The following CCNDBP1 variants were observed in gnomAD, a reference collection of about 807,000 sequenced individuals.
CCNDBP1 encodes cyclin D1 binding protein 1, also known as cyclin-D1-binding protein 1.
A neutral mutation model predicts 46.2 loss-of-function variants in CCNDBP1; 45 were observed. That is an observed-to-expected ratio of 0.97 (90% CI 0.77 to 1.25). The LOEUF (loss-of-function observed/expected upper bound fraction) is 1.25. Ranked by LOEUF, CCNDBP1 falls within the 50% of genes most tolerant of loss-of-function variation. The probability of loss-of-function intolerance (pLI) is 0.00; values close to 1 mark genes in which losing one functional copy is unlikely to be tolerated. For synonymous variants in CCNDBP1, 154 were observed against 163.6 expected, an observed-to-expected ratio of 0.94 and a Z score of 0.45; for missense variants, 436 against 442.1, an observed-to-expected ratio of 0.99 and a Z score of 0.12.
In CCNDBP1 at chr15:43,194,963, A is replaced by G; in HGVS notation, c.*122A>G. On this transcript the variant is annotated 3_prime_UTR_variant, in exon 11 of 11. Transcript: ENST00000300213. ...AAGGGAGTGCCTATCTATATTTAGCAAGAGACACTATTACCAAAGATTGTT... is the reference window on the plus strand; with the variant it reads ...AAGGGAGTGCCTATCTATATTTAGCGAGAGACACTATTACCAAAGATTGTT... The G allele has an allele frequency of 1.6e-6, 1 of 615,764 alleles. No homozygotes were observed. The highest frequency in any genetic ancestry group is 2.9e-5 in the East Asian group (1 of 34,428). 38.1% of individuals were successfully genotyped at this position (615,764 alleles called of 1,614,324 possible).
In CCNDBP1 at chr15:43,192,805, T is replaced by C. The variant is rs2041976823; in HGVS notation, c.921+2T>C. 6.2e-7 allele frequency: 1 copy of C among 1,613,546 alleles called. No homozygotes were observed. The highest frequency in any genetic ancestry group is 8.5e-7 in the Non-Finnish European group (1 of 1,179,524). On this transcript the variant is annotated splice_donor_variant, in intron 9 of 10. Coordinates refer to ENST00000300213, the MANE Select transcript of CCNDBP1 (RefSeq NM_012142.5). LOFTEE classifies it high-confidence loss of function. Reference sequence around the variant, plus strand: ...TGTCACCTGACCGTGCGAATCAATGTAAGTACTGGCTTTGAGGGAATAGCT... The same window carrying C: ...TGTCACCTGACCGTGCGAATCAATGCAAGTACTGGCTTTGAGGGAATAGCT...
chr15:43,186,257 C>G, intron 3 of CCNDBP1, 24 bp downstream of exon 3: 1 of 1,587,512 alleles, frequency 6.3e-7, no homozygotes, highest in Non-Finnish European at 8.6e-7. Flanking sequence ...TCGTGGAATC[C>G]TTGGGCTGCC....
At chr15:43,187,556 C>CA (rs2041873191) in intron 3 of CCNDBP1, among the ~76,000 whole-genome samples, 1 of 152,130 alleles carries the variant, frequency 6.6e-6, no homozygotes, top group South Asian at 2.1e-4. Flanking sequence ...AGGTGTGAGC[C>CA]ACCGTGCCTG....
chr15:43,190,454 G>A (rs2041930767), intron 6 of CCNDBP1, 56 bp downstream of exon 6: 3 of 1,356,134 alleles, frequency 2.2e-6, no homozygotes, highest in Non-Finnish European at 3.2e-6. Flanking sequence ...GAGACCTCAT[G>A]TCTAGCTTCC....
chr15:43,192,252 G>A lies in CCNDBP1; in HGVS notation c.861-491G>A, dbSNP rs374032912. The stretch of plus-strand genomic sequence containing the variant: ...AAAATATCCAACAACCTGGATTCAC[G>A]TGATTGTTAGTTCTCATTTTTGCAA... On this transcript the variant is annotated intron_variant, in intron 8 of 10. Coordinates refer to ENST00000300213, the MANE Select transcript of CCNDBP1 (RefSeq NM_012142.5). Among the ~76,000 whole-genome samples, 132 of 152,222 alleles carry A rather than the reference G, an allele frequency of 8.7e-4. 4 individuals carry two copies. The South Asian group carries it at 0.027, about 32-fold the overall frequency.
rs2042021516 is a variant in CCNDBP1, at chr15:43,195,050, GAAAAATAATTGCAT to G, written c.*210_*223del. On this transcript the variant is annotated 3_prime_UTR_variant, in exon 11 of 11. Transcript: ENST00000300213. ...GCGTATATTTTTCTGTGCTATATATGAAAAATAATTGCATGATTTCTCATTCCTGAGTCATTTCT... is the reference window on the plus strand; with the variant it reads ...GCGTATATTTTTCTGTGCTATATATGGATTTCTCATTCCTGAGTCATTTCT... 3 of 408,138 alleles carry G rather than the reference GAAAAATAATTGCAT, an allele frequency of 7.4e-6. No homozygotes were observed. The highest frequency in any genetic ancestry group is 1.3e-5 in the Non-Finnish European group (3 of 230,852). 25.3% of individuals were successfully genotyped at this position (408,138 alleles called of 1,614,324 possible).
rs762033687 is a variant in CCNDBP1 at position 43,189,205 on chromosome 15, CAGA to C, written c.259_261del (p.Lys87del). The C allele has an allele frequency of 1.2e-6, 2 of 1,608,554 alleles. No homozygotes were observed. The highest frequency in any genetic ancestry group is 1.7e-4 in the Middle Eastern group (1 of 6,046). ...TCTGTTTCCTTTTTCATAGGAAACC[CAGA>C]AGTTCTGTGAACAAGTCCATGCTGC... On this transcript the variant is annotated inframe_deletion, in exon 4 of 11. Transcript: ENST00000300213.
intron 7 of CCNDBP1, 63 bp from the exon 8 acceptor site, chr15:43,191,332 A>G: frequency 6.7e-7 from 1 of 1,481,488 alleles, no homozygotes; most frequent in Non-Finnish European, 9.0e-7. Flanking sequence ...AAGTATAATA[A>G]TAGGCCTCGC....
Position 43,195,021 on chromosome 15 carries a change from A to G in CCNDBP1, c.*180A>G. The G allele has an allele frequency of 6.2e-6, 3 of 484,884 alleles. No individual in the cohort carries two copies. Among genetic ancestry groups the G allele is most frequent in the Non-Finnish European group, 7.3e-6 (2 of 274,018 alleles). 30.0% of individuals were successfully genotyped at this position (484,884 alleles called of 1,614,324 possible). The stretch of plus-strand genomic sequence containing the variant: ...CCAGATTGACACCTATTTATAAACC[A>G]TATGCGTATATTTTTCTGTGCTATA... On this transcript the variant is annotated 3_prime_UTR_variant, in exon 11 of 11. Transcript: ENST00000300213.
At chr15:43,193,666 TTCTC>T (rs1008651060) in intron 9 of CCNDBP1, among the ~76,000 whole-genome samples, 2 of 152,234 alleles carry the variant, frequency 1.3e-5, no homozygotes, top group African/African-American at 4.8e-5. Context: ...GAGAGTTCTG[TTCTC>T]TCTAATGTTA....
chr15:43,186,433 T>C (rs546537948), intron 3 of CCNDBP1, among the ~76,000 whole-genome samples, 200 bp downstream of exon 3: 3 of 152,332 alleles, frequency 2.0e-5, no homozygotes, highest in Non-Finnish European at 4.4e-5. Flanking sequence ...GCAGGTCTTA[T>C]AAATATTGGT....
intron 9 of CCNDBP1, chr15:43,193,407 A>C (rs2142239887): frequency 6.6e-6 from 1 of 150,746 alleles, no homozygotes; most frequent in East Asian, 2.0e-4. Context: ...GTAATTTAGG[A>C]ACTTCTCAAC....
At chr15:43,193,260 G>C (rs906496747) in intron 9 of CCNDBP1, 1 of 150,416 alleles carries the variant, frequency 6.6e-6, no homozygotes, top group Non-Finnish European at 1.4e-5. Flanking sequence ...TTGAAGCCGG[G>C]AAGTGGAGGT....
At position 43,194,777 on chromosome 15, in the gene CCNDBP1, T is replaced by C; in HGVS notation, c.1019T>C (p.Ile340Thr). The C allele has an allele frequency of 6.2e-7, 1 of 1,614,060 alleles. No individual in the cohort carries two copies. Among genetic ancestry groups the C allele is most frequent in the South Asian group, 1.1e-5 (1 of 91,086 alleles). ...GAAGATAGTTGGATCCCTTTACTTA[T>C]TAATGCCATTGATCATTGCATGAAT... Reference protein sequence around the residue: ...QPEDSWIPLLINAIDHCMNRI... With the variant: ...QPEDSWIPLLTNAIDHCMNRI... The change falls in exon 11 of 11, where the codon ATT (isoleucine) becomes ACT (threonine). Residue 340 changes from isoleucine to threonine, a missense_variant. By Grantham distance (89) the Ile-to-Thr change is moderately conservative. Coordinates refer to ENST00000300213, the MANE Select transcript of CCNDBP1 (RefSeq NM_012142.5).
intron 1 of CCNDBP1, 73 bp downstream of exon 1, chr15:43,185,680 GGGGAGAGGCCGGGCTCGGGGTC>G: frequency 7.0e-7 from 1 of 1,419,868 alleles, no homozygotes; most frequent in South Asian, 1.3e-5. Context: ...GCTCGGGGTC[GGGGAGAGGCCGGGCTCGGGGTC>G]GCGGAGAGGG....
chr15:43,194,046 CTTTTTTTTTTTTTTTT>C (rs748207621), intron 9 of CCNDBP1: 75 of 50,276 alleles, frequency 1.5e-3, no homozygotes, highest in South Asian at 4.3e-3. Flanking sequence ...TCTTAATGCG[CTTTTTTTTTTTTTTTT>C]TTTTTTTTTT....
intron 3 of CCNDBP1, among the ~76,000 whole-genome samples, chr15:43,187,270 GA>G (rs907404190): frequency 2.7e-5 from 4 of 150,234 alleles, no homozygotes; most frequent in African/African-American, 5.0e-5. Context: ...ATACCTTTGA[GA>G]TTTTTTTTTT....
intron 6 of CCNDBP1, 67 bp from the exon 7 acceptor site, chr15:43,190,899 C>T (rs933944552): frequency 7.9e-7 from 1 of 1,260,256 alleles, no homozygotes; most frequent in Admixed American, 1.7e-5. Flanking sequence ...GTGATTGTTC[C>T]TTGCAGTCAT....
At position 43,194,844 on chromosome 15, in the gene CCNDBP1, T is replaced by C. The variant is rs2042018498; in HGVS notation, c.*3T>C. 6.4e-7 allele frequency: 1 copy of C among 1,569,914 alleles called. No homozygotes were observed. The highest frequency in any genetic ancestry group is 8.8e-7 in the Non-Finnish European group (1 of 1,139,872). On this transcript the variant is annotated 3_prime_UTR_variant, in exon 11 of 11. Transcript: ENST00000300213. ...CTCAGAGTGAACTTGAATTATGACTTTTCAGGCTCATTTGTACTCTCTTCC... is the reference window on the plus strand; with the variant it reads ...CTCAGAGTGAACTTGAATTATGACTCTTCAGGCTCATTTGTACTCTCTTCC...
Sources: allele counts gnomAD v4.1 joint callset (sites outside exome capture counted in the v4.1 genomes callset), GRCh38; gene constraint gnomAD v4.1.1; transcripts MANE v1.5; gene names NCBI Gene and HGNC (gene_info 2026-07-23, HGNC 2026-07-21).